The following KAT2B variants were observed in gnomAD, a reference collection of about 807,000 sequenced individuals.
KAT2B encodes lysine acetyltransferase 2B, also known as histone acetyltransferase KAT2B.
A neutral mutation model predicts 105.9 loss-of-function variants in KAT2B; 36 were observed. The ratio of observed to expected loss-of-function variants is 0.34; its 90% CI spans 0.26 to 0.45. KAT2B has a LOEUF of 0.45. KAT2B is among the 20% of genes least tolerant of loss of function. The pLI, the probability that KAT2B is intolerant of heterozygous loss-of-function variation, is 1.00. For missense variants in KAT2B, 820 were observed against 1,021.6 expected, an observed-to-expected ratio of 0.80 and a Z score of 2.69; for synonymous variants, 397 against 377.9, an observed-to-expected ratio of 1.05 and a Z score of -0.59.
intron 2 of KAT2B, among the ~76,000 whole-genome samples, chr3:20,085,657 T>G (rs1326271483): frequency 4.6e-5 from 7 of 151,874 alleles, no homozygotes; most frequent in African/African-American, 9.7e-5. Context: ...ACTACTGGCA[T>G]GCACCACCAC....
At chr3:20,112,439 A>T (rs1048438379) in intron 6 of KAT2B, among the ~76,000 whole-genome samples, 17 of 152,242 alleles carry the variant, frequency 1.1e-4, no homozygotes, top group Non-Finnish European at 5.9e-5. Context: ...AAATGCTGCA[A>T]AGCAATAGAA....
At chr3:20,075,263 C>CA (rs759607666) in intron 2 of KAT2B, among the ~76,000 whole-genome samples, 13 of 147,664 alleles carry the variant, frequency 8.8e-5, no homozygotes, top group African/African-American at 1.7e-4. Context: ...GACTCTGTCT[C>CA]AAAAAAAAAG....
At chr3:20,059,691 C>T (rs897254771) in intron 1 of KAT2B, among the ~76,000 whole-genome samples, 8 of 152,114 alleles carry the variant, frequency 5.3e-5, no homozygotes, top group South Asian at 4.2e-4. Context: ...GGCGACTGAG[C>T]GAGACTCCAT....
intron 1 of KAT2B, among the ~76,000 whole-genome samples, chr3:20,067,071 C>G (rs1698235292): frequency 6.6e-6 from 1 of 152,122 alleles, no homozygotes; most frequent in South Asian, 2.1e-4. Context: ...TGTTGTCTCC[C>G]TCTCTTCATT....
At chr3:20,083,851 C>T (rs1385514175) in intron 2 of KAT2B, among the ~76,000 whole-genome samples, 2 of 151,958 alleles carry the variant, frequency 1.3e-5, no homozygotes, top group Non-Finnish European at 2.9e-5. Context: ...AGGTAGCTGC[C>T]ATTTTGAGGA....
intron 1 of KAT2B, among the ~76,000 whole-genome samples, chr3:20,055,975 A>G (rs2948084): frequency 0.54 from 81,651 of 152,000 alleles, 22,213 homozygotes; most frequent in South Asian, 0.68. Context: ...GTTAATTTCT[A>G]TTTATTGCTG....
chr3:20,115,152 A>G (rs1448872355), intron 7 of KAT2B, among the ~76,000 whole-genome samples, 164 bp downstream of exon 7: 1 of 152,242 alleles, frequency 6.6e-6, no homozygotes, highest in Non-Finnish European at 1.5e-5. Context: ...GTCGATGGCT[A>G]GATACACCTA....
chr3:20,145,875 C>T (rs1245625537), intron 13 of KAT2B, among the ~76,000 whole-genome samples: 2 of 152,052 alleles, frequency 1.3e-5, no homozygotes, highest in African/African-American at 4.8e-5. Flanking sequence ...TTTCTGGGGC[C>T]CGTTTACCTG....
At chr3:20,099,326 C>T (rs1698867030) in intron 3 of KAT2B, among the ~76,000 whole-genome samples, 1 of 152,178 alleles carries the variant, frequency 6.6e-6, no homozygotes, top group South Asian at 2.1e-4. Context: ...AGAGCCTGTG[C>T]CCTAGATGAT....
chr3:20,088,464 T>C (rs971952405), intron 2 of KAT2B, among the ~76,000 whole-genome samples: 3 of 152,190 alleles, frequency 2.0e-5, no homozygotes, highest in Non-Finnish European at 4.4e-5. Flanking sequence ...TGAAGTGATA[T>C]CTCATTGTGA....
At chr3:20,125,883 T>C (rs1302967297) in intron 9 of KAT2B, 22 bp from the exon 10 acceptor site, 2 of 1,604,960 alleles carry the variant, frequency 1.2e-6, no homozygotes, top group African/African-American at 1.3e-5. Flanking sequence ...TGTGTAATTT[T>C]TTCCTGTCTC....
intron 7 of KAT2B, among the ~76,000 whole-genome samples, chr3:20,116,087 T>A (rs2125169333): frequency 6.6e-6 from 1 of 152,282 alleles, no homozygotes; most frequent in East Asian, 1.9e-4. Context: ...TGTCCTTTTT[T>A]TTTTTCTAAC....
chr3:20,140,609 G>C (rs1207743790), intron 13 of KAT2B, among the ~76,000 whole-genome samples: 2 of 152,070 alleles, frequency 1.3e-5, no homozygotes, highest in Admixed American at 1.3e-4. Context: ...TCGTACCTCA[G>C]CCTCCCGAGT....
At chr3:20,101,960 A>G (rs1040096956) in intron 5 of KAT2B, among the ~76,000 whole-genome samples, 1 of 152,188 alleles carries the variant, frequency 6.6e-6, no homozygotes, top group Admixed American at 6.5e-5. Flanking sequence ...TAGCTACACT[A>G]TAACTCTGAA....
chr3:20,145,554 G>GTTTT (rs550166293), intron 13 of KAT2B, among the ~76,000 whole-genome samples: 5,416 of 91,492 alleles, frequency 0.059, 272 homozygotes, highest in Non-Finnish European at 0.083. Context: ...GATTTTTTTA[G>GTTTT]TTTTTTTTTT....
intron 2 of KAT2B, among the ~76,000 whole-genome samples, chr3:20,082,652 C>T (rs1698540137): frequency 6.6e-6 from 1 of 152,140 alleles, no homozygotes; most frequent in African/African-American, 2.4e-5. Flanking sequence ...AGGAAAAATA[C>T]ATTTTTTGTT....
chr3:20,113,908 T>C (rs1575141626), intron 6 of KAT2B, among the ~76,000 whole-genome samples: 1 of 146,704 alleles, frequency 6.8e-6, no homozygotes, highest in East Asian at 2.1e-4. Context: ...CTATATTTCA[T>C]TCTAAAAGTG....
In KAT2B at chr3:20,101,601, A is replaced by T; in HGVS notation, c.851+133A>T. On this transcript the variant is annotated intron_variant, in intron 5 of 17. Transcript: ENST00000263754. The stretch of plus-strand genomic sequence containing the variant: ...ATCAATTCAGAGATAATGTCTTTAT[A>T]ATTTAACTTGCAAACTCCTGCTTTT... 8.8e-6 allele frequency: 6 copies of T among 684,366 alleles called. No homozygotes were observed. The South Asian group carries it at 1.3e-4, about 14-fold the overall frequency. 42.4% of individuals were successfully genotyped at this position (684,366 alleles called of 1,614,324 possible).
intron 1 of KAT2B, among the ~76,000 whole-genome samples, chr3:20,050,382 G>C (rs1416073241): frequency 1.3e-5 from 2 of 151,948 alleles, no homozygotes; most frequent in African/African-American, 2.4e-5. Context: ...CTATGCAACT[G>C]CCACCTAGAT....
Sources: gnomAD v4.1 joint callset for allele counts (sites outside exome capture counted in the v4.1 genomes callset) on GRCh38, gnomAD v4.1.1 for gene constraint, MANE v1.5 for transcripts, NCBI Gene and HGNC (gene_info 2026-07-23, HGNC 2026-07-21) for gene names.